HDAC9: variants seen among roughly 807,000 people sequenced by gnomAD.
HDAC9 encodes histone deacetylase 9, also known as MEF-2 interacting transcription repressor (MITR) protein.
In HDAC9, 41 loss-of-function variants were observed where a neutral mutation model predicts 139.4. The ratio of observed to expected loss-of-function variants is 0.29; its 90% CI spans 0.23 to 0.38. The LOEUF is 0.38. Ranked by LOEUF, HDAC9 falls within the 10% of genes least tolerant of loss-of-function variation. The pLI, the probability that HDAC9 is intolerant of heterozygous loss-of-function variation, is 1.00. For missense variants in HDAC9, 1,147 were observed against 1,297.0 expected (o/e 0.88, Z 1.78); for synonymous variants, 517 against 476.2 (o/e 1.09, Z -1.12).
At chr7:18,554,888 G>C (rs1289311946) in intron 2 of HDAC9, among the ~76,000 whole-genome samples, 1 of 152,110 alleles carries the variant, frequency 6.6e-6, no homozygotes, top group African/African-American at 2.4e-5. Context: ...CATCTGTTAA[G>C]GGTCCTTTCT....
chr7:18,691,116 C>A (rs1489812321), intron 12 of HDAC9, among the ~76,000 whole-genome samples: 1 of 151,968 alleles, frequency 6.6e-6, no homozygotes, highest in Non-Finnish European at 1.5e-5. Flanking sequence ...CTTTTCTTAA[C>A]TCTGAATGAA....
chr7:18,945,275 A>G (rs892254395), intron 23 of HDAC9, among the ~76,000 whole-genome samples: 1 of 152,250 alleles, frequency 6.6e-6, no homozygotes, highest in Admixed American at 6.5e-5. Flanking sequence ...CCCAGACGCT[A>G]ATGCGGTAAA....
intron 1 of HDAC9, among the ~76,000 whole-genome samples, chr7:18,431,134 C>T (rs1029099601): frequency 1.3e-5 from 2 of 152,146 alleles, no homozygotes; most frequent in Non-Finnish European, 2.9e-5. Context: ...CCTTGTGATG[C>T]ACCTACTGTT....
At chr7:18,463,399 G>A (rs1221404625) in intron 1 of HDAC9, among the ~76,000 whole-genome samples, 2 of 151,792 alleles carry the variant, frequency 1.3e-5, no homozygotes, top group Non-Finnish European at 2.9e-5. Flanking sequence ...TAAATTATGG[G>A]TTAGATTTGT....
intron 16 of HDAC9, among the ~76,000 whole-genome samples, chr7:18,784,718 C>T (rs902073582): frequency 6.6e-6 from 1 of 151,942 alleles, no homozygotes; most frequent in African/African-American, 2.4e-5. Context: ...ATGTTATACC[C>T]ATCTCTCAGC....
intron 22 of HDAC9, among the ~76,000 whole-genome samples, chr7:18,902,858 C>G (rs762769462): frequency 6.6e-6 from 1 of 152,174 alleles, no homozygotes; most frequent in Admixed American, 6.5e-5. Context: ...TACAAATTTT[C>G]TGATTCCAGG....
At chr7:18,579,482 A>T (rs1827096378) in intron 2 of HDAC9, among the ~76,000 whole-genome samples, 1 of 152,220 alleles carries the variant, frequency 6.6e-6, no homozygotes, top group Admixed American at 6.5e-5. Flanking sequence ...ACAGGTTTCC[A>T]TGCATGAAGG....
At position 18,593,014 on chromosome 7, in the gene HDAC9, C is replaced by T. The variant is rs1831418499; in HGVS notation, c.543-894C>T. On this transcript the variant is annotated intron_variant, in intron 5 of 25. Coordinates refer to ENST00000686413, the MANE Select transcript of HDAC9 (RefSeq NM_178425.4). Reference sequence around the variant, plus strand: ...CTCACATGTTACTTAGCAGTATTTACCTTGTTTTTATGAAATTGAACTTCA... The same window carrying T: ...CTCACATGTTACTTAGCAGTATTTATCTTGTTTTTATGAAATTGAACTTCA... 2.0e-5 allele frequency among the ~76,000 whole-genome samples: 3 copies of T among 152,042 alleles called. No individual in the cohort carries two copies. In the South Asian group the frequency reaches 6.2e-4, roughly 31 times the overall value.
At chr7:18,162,124 C>A (rs750805691) in intron 1 of HDAC9, 2 of 568,252 alleles carry the variant, frequency 3.5e-6, no homozygotes, top group East Asian at 5.8e-5. Flanking sequence ...GACACATGGT[C>A]GCGCTGTGGC....
chr7:18,731,316 C>G (rs181947604), intron 13 of HDAC9, among the ~76,000 whole-genome samples: 2 of 151,920 alleles, frequency 1.3e-5, no homozygotes, highest in African/African-American at 4.8e-5. Context: ...AGCAAGGTAG[C>G]GGACACAGAC....
At chr7:18,925,303 T>A (rs1804116394) in intron 22 of HDAC9, among the ~76,000 whole-genome samples, 2 of 152,194 alleles carry the variant, frequency 1.3e-5, no homozygotes, top group Non-Finnish European at 2.9e-5. Flanking sequence ...CTTTGTTGCT[T>A]GGGCAAGTTA....
At chr7:18,808,868 AAAAAC>A (rs1729010781) in intron 17 of HDAC9, among the ~76,000 whole-genome samples, 1 of 151,906 alleles carries the variant, frequency 6.6e-6, no homozygotes, top group South Asian at 2.1e-4. Context: ...CAAAAACCCA[AAAAAC>A]AAAACAAACA....
intron 21 of HDAC9, among the ~76,000 whole-genome samples, chr7:18,865,886 A>G (rs1798457376): frequency 6.6e-6 from 1 of 151,970 alleles, no homozygotes; most frequent in African/African-American, 2.4e-5. Flanking sequence ...ATGACATACA[A>G]TTAGACTATA....
chr7:18,906,462 A>G (rs532861720), intron 22 of HDAC9, among the ~76,000 whole-genome samples: 1 of 152,304 alleles, frequency 6.6e-6, no homozygotes, highest in Admixed American at 6.5e-5. Context: ...CTAAATACAG[A>G]TATAAATGTC....
At chr7:18,631,521 T>A (rs561109624) in intron 7 of HDAC9, among the ~76,000 whole-genome samples, 2 of 152,222 alleles carry the variant, frequency 1.3e-5, no homozygotes, top group East Asian at 1.9e-4. Flanking sequence ...TCAGAGACTA[T>A]CATAACATCA....
chr7:18,993,298 C>T (rs982403517), intron 25 of HDAC9, among the ~76,000 whole-genome samples: 7 of 152,132 alleles, frequency 4.6e-5, no homozygotes, highest in African/African-American at 1.4e-4. Flanking sequence ...TACATTAACT[C>T]GTTTCAATTC....
chr7:18,436,165 A>G (rs1012900549), intron 1 of HDAC9, among the ~76,000 whole-genome samples: 3 of 152,044 alleles, frequency 2.0e-5, no homozygotes, highest in Admixed American at 6.6e-5. Context: ...TTCTTTTAAT[A>G]TGTATGTACA....
At chr7:18,265,135 A>T (rs1486791072) in intron 2 of HDAC9, among the ~76,000 whole-genome samples, 1 of 152,174 alleles carries the variant, frequency 6.6e-6, no homozygotes, top group South Asian at 2.1e-4. Flanking sequence ...ATTTTATTTA[A>T]TTTTGAATTT....
At chr7:18,237,518 A>G (rs1482478820) in intron 2 of HDAC9, among the ~76,000 whole-genome samples, 1 of 152,180 alleles carries the variant, frequency 6.6e-6, no homozygotes, top group Admixed American at 6.5e-5. Flanking sequence ...AATAAAATAG[A>G]GGGATTATGA....
Sources: gnomAD v4.1 joint callset for allele counts (sites outside exome capture counted in the v4.1 genomes callset) on GRCh38, gnomAD v4.1.1 for gene constraint, MANE v1.5 for transcripts, NCBI Gene and HGNC (gene_info 2026-07-23, HGNC 2026-07-21) for gene names.